The following PTPRQ variants were observed in gnomAD, a reference collection of about 807,000 sequenced individuals.
The protein encoded by PTPRQ is phosphatidylinositol phosphatase PTPRQ.
Under a neutral mutation model 246.0 loss-of-function variants are expected in PTPRQ, and 199 were observed. The ratio of observed to expected loss-of-function variants is 0.81; its 90% CI spans 0.72 to 0.91. PTPRQ has a LOEUF of 0.91. Ranked by LOEUF, PTPRQ falls within the 40% of genes least tolerant of loss-of-function variation. PTPRQ has a pLI of 0.00. For synonymous variants in PTPRQ, 869 were observed against 853.2 expected, an observed-to-expected ratio of 1.02 and a Z score of -0.32; for missense variants, 2,624 against 2,528.4, an observed-to-expected ratio of 1.04 and a Z score of -0.81.
At position 80,510,319 on chromosome 12, in the gene PTPRQ, A is replaced by G; in HGVS notation, c.2558-4A>G. The G allele has an allele frequency of 1.9e-6, 3 of 1,539,992 alleles. No homozygotes were observed. The highest frequency in any genetic ancestry group is 2.6e-6 in the Non-Finnish European group (3 of 1,141,924). On this transcript the variant is annotated splice_polypyrimidine_tract_variant and splice_region_variant and intron_variant, in intron 16 of 44. Coordinates refer to ENST00000644991, the MANE Select transcript of PTPRQ (RefSeq NM_001145026.2). ...ACACATTATTCTATACCCTAACTTT[A>G]CAGCTCCTGATTCTCCCCCTCAAGA...
intron 18 of PTPRQ, 60 bp downstream of exon 18, chr12:80,534,235 G>T (rs1367706887): frequency 4.4e-6 from 6 of 1,377,536 alleles, no homozygotes; most frequent in Admixed American, 6.7e-5. Context: ...AAAAAATCCT[G>T]CCCAGAAAAA....
intron 43 of PTPRQ, among the ~76,000 whole-genome samples, chr12:80,675,967 G>A (rs925751536): frequency 2.6e-5 from 4 of 152,246 alleles, no homozygotes; most frequent in African/African-American, 9.6e-5. Context: ...GAGAAAGTTT[G>A]TAAATCACCA....
chr12:80,590,212 T>C (rs1319781556), intron 26 of PTPRQ, among the ~76,000 whole-genome samples: 1 of 152,140 alleles, frequency 6.6e-6, no homozygotes, highest in Non-Finnish European at 1.5e-5. Context: ...CTGCCCATGA[T>C]TCATTTCAAC....
At chr12:80,629,122 G>C (rs1899317600) in intron 33 of PTPRQ, among the ~76,000 whole-genome samples, 2 of 150,042 alleles carry the variant, frequency 1.3e-5, no homozygotes, top group Admixed American at 1.3e-4. Flanking sequence ...AAAATATGGT[G>C]GGGGGAGGAG....
chr12:80,633,354 CT>C (rs1305223425), intron 34 of PTPRQ, among the ~76,000 whole-genome samples: 1 of 152,192 alleles, frequency 6.6e-6, no homozygotes, highest in Non-Finnish European at 1.5e-5. Flanking sequence ...CCTTCTCATG[CT>C]TACTTTCTGA....
rs1554840 is a variant in PTPRQ at position 80,534,778 on chromosome 12, T to A, written c.2840-114T>A. On this transcript the variant is annotated intron_variant, in intron 18 of 44. Transcript: ENST00000644991. Reference sequence around the variant, plus strand: ...TTCTGACATTTCTAATTCAAGCTTTTTTGAAAAACATTTTTTATCACTTTA... The same window carrying A: ...TTCTGACATTTCTAATTCAAGCTTTATTGAAAAACATTTTTTATCACTTTA... 168,112 of 1,325,344 alleles carry A rather than the reference T, an allele frequency of 0.13. 16,045 individuals are homozygous for A. The highest frequency in any genetic ancestry group is 0.49 in the African/African-American group (32,400 of 66,434). The allele number at this position is 1,325,344 out of a possible 1,614,324, so 82.1% of individuals were successfully genotyped here.
Position 80,541,557 on chromosome 12 carries a change from C to T in PTPRQ, c.3157C>T (p.Pro1053Ser), listed in dbSNP as rs1271370574. Residue 1053 changes from proline (P) to serine (S), a missense_variant and splice_region_variant, in exon 21 of 45, where the codon CCT (proline) becomes TCT (serine). Pro to Ser is a moderately conservative substitution (Grantham distance 74, BLOSUM62 -1). Coordinates refer to ENST00000644991, the MANE Select transcript of PTPRQ (RefSeq NM_001145026.2). ...IIEVYTDQDI[P>S]EGFVGNLTYE... is the part of the protein sequence containing the mutation. The stretch of plus-strand genomic sequence containing the variant: ...ATTTTGCCCATTACCTATCATAGTA[C>T]CTGAAGGGTTTGTTGGAAACCTGAC... 8.0e-6 allele frequency: 12 copies of T among 1,509,216 alleles called. No individual in the cohort carries two copies. The Admixed American group carries it at 2.4e-4, about 30-fold the overall frequency. The allele number at this position is 1,509,216 out of a possible 1,614,324, so 93.5% of individuals were successfully genotyped here.
chr12:80,649,148 C>T (rs925829549), intron 36 of PTPRQ, among the ~76,000 whole-genome samples: 3 of 151,928 alleles, frequency 2.0e-5, no homozygotes, highest in African/African-American at 4.8e-5. Context: ...GGAAGTAATA[C>T]GGGGATATTT....
chr12:80,631,061 A>C (rs1432331922), intron 33 of PTPRQ, among the ~76,000 whole-genome samples: 1 of 152,286 alleles, frequency 6.6e-6, no homozygotes. Flanking sequence ...TTTATGCAGC[A>C]AAATTATCTT....
At chr12:80,537,268 G>A (rs1407095713) in intron 19 of PTPRQ, among the ~76,000 whole-genome samples, 1 of 152,154 alleles carries the variant, frequency 6.6e-6, no homozygotes, top group Non-Finnish European at 1.5e-5. Context: ...TTTTGAATTA[G>A]TGGAAGAAAG....
intron 35 of PTPRQ, among the ~76,000 whole-genome samples, chr12:80,638,307 C>T (rs1359225716): frequency 6.6e-6 from 1 of 151,680 alleles, no homozygotes; most frequent in East Asian, 1.9e-4. Context: ...AACATACGCT[C>T]TCTCTACTTG....
Position 80,622,044 on chromosome 12 carries a change from C to T in PTPRQ, c.5613-17C>T, listed in dbSNP as rs79175750. ...CATGATATGCAAAGTGTTGATTTTTCTTTTTTTATTTTATAGATTTAAATT... is the reference window on the plus strand; with the variant it reads ...CATGATATGCAAAGTGTTGATTTTTTTTTTTTTATTTTATAGATTTAAATT... On this transcript the variant is annotated splice_polypyrimidine_tract_variant and intron_variant, in intron 32 of 44. Coordinates refer to ENST00000644991, the MANE Select transcript of PTPRQ (RefSeq NM_001145026.2). 2.1e-4 allele frequency: 261 copies of T among 1,221,018 alleles called. 1 individual carries two copies. The highest frequency in any genetic ancestry group is 8.5e-4 in the East Asian group (21 of 24,610). 75.6% of individuals were successfully genotyped at this position (1,221,018 alleles called of 1,614,324 possible). A position where few individuals can be genotyped will look rare whatever the true frequency, so the allele number is the denominator to read the frequency against.
At chr12:80,575,389 C>G (rs745828181) in intron 25 of PTPRQ, among the ~76,000 whole-genome samples, 1 of 151,778 alleles carries the variant, frequency 6.6e-6, no homozygotes, top group African/African-American at 2.4e-5. Flanking sequence ...AGTTTGAGAA[C>G]AGCCTTGGCA....
chr12:80,588,280 C>T lies in PTPRQ; in HGVS notation c.4437C>T (p.Ser1479=), dbSNP rs930068541. The T allele has an allele frequency of 1.2e-5, 19 of 1,551,334 alleles. No homozygotes were observed. Among genetic ancestry groups the T allele is most frequent in the East Asian group, 9.8e-5 (4 of 40,896 alleles). The change falls in exon 26 of 45, where the codon TCC becomes TCT. Residue 1479 remains serine, a synonymous_variant. Transcript: ENST00000644991. The part of the protein sequence containing the change: ...LRAQKCKEWE[S]EECVEYQKIQ... The stretch of plus-strand genomic sequence containing the variant: ...CTCAAAAATGCAAAGAATGGGAATC[C>T]GAAGAATGTGTTGAATATCAAAAAA...
intron 6 of PTPRQ, chr12:80,462,580 C>A (rs1893231186): frequency 6.5e-6 from 1 of 152,772 alleles, no homozygotes; most frequent in Admixed American, 6.6e-5. Flanking sequence ...GGTCCCTGAC[C>A]CCTGACCGCC....
intron 26 of PTPRQ, among the ~76,000 whole-genome samples, chr12:80,591,137 T>C (rs1381362260): frequency 6.8e-6 from 1 of 146,698 alleles, no homozygotes; most frequent in African/African-American, 2.5e-5. Flanking sequence ...TTTTTTTTTT[T>C]TTTTTTGCGA....
intron 33 of PTPRQ, among the ~76,000 whole-genome samples, chr12:80,626,195 G>A (rs555761967): frequency 1.3e-5 from 2 of 152,160 alleles, no homozygotes; most frequent in African/African-American, 2.4e-5. Flanking sequence ...GAGGAACAGA[G>A]GAAGATTGTA....
rs1900874630 is a variant in PTPRQ at position 80,668,941 on chromosome 12, G to A, written c.6193-66G>A. On this transcript the variant is annotated intron_variant, in intron 39 of 44. Transcript: ENST00000644991. Reference sequence around the variant, plus strand: ...ACAACCAGCATATGTTTCATGCATTGATCGAAAACTAAAACACTGTATCTG... The same window carrying A: ...ACAACCAGCATATGTTTCATGCATTAATCGAAAACTAAAACACTGTATCTG... 1.1e-5 allele frequency: 16 copies of A among 1,459,930 alleles called. No individual in the cohort carries two copies. In the South Asian group the frequency reaches 2.1e-4, roughly 19 times the overall value. 90.4% of individuals were successfully genotyped at this position (1,459,930 alleles called of 1,614,324 possible).
At chr12:80,581,071 G>A (rs1897419313) in intron 25 of PTPRQ, among the ~76,000 whole-genome samples, 1 of 152,162 alleles carries the variant, frequency 6.6e-6, no homozygotes, top group Admixed American at 6.5e-5. Flanking sequence ...GGAAAAAATA[G>A]TTGATCATAG....
Sources: allele counts gnomAD v4.1 joint callset (sites outside exome capture counted in the v4.1 genomes callset), GRCh38; gene constraint gnomAD v4.1.1; transcripts MANE v1.5; gene names NCBI Gene and HGNC (gene_info 2026-07-23, HGNC 2026-07-21).